The following NPAS2 variants were observed in gnomAD, a reference collection of about 807,000 sequenced individuals.
NPAS2 encodes neuronal PAS domain-containing protein 2.
In NPAS2, 23 loss-of-function variants were observed where a neutral mutation model predicts 107.5. The observed-to-expected ratio is 0.21, with a 90% CI of 0.15 to 0.30. The LOEUF is 0.30. NPAS2 is among the 10% of genes least tolerant of loss of function. The pLI, the probability that NPAS2 is intolerant of heterozygous loss-of-function variation, is 1.00. For synonymous variants in NPAS2, 403 were observed against 417.5 expected, an observed-to-expected ratio of 0.97 and a Z score of 0.42; for missense variants, 756 against 1,043.3, an observed-to-expected ratio of 0.72 and a Z score of 3.79.
At chr2:100,950,433 G>A (rs773354360) in intron 7 of NPAS2, among the ~76,000 whole-genome samples, 3 of 152,174 alleles carry the variant, frequency 2.0e-5, no homozygotes, top group Non-Finnish European at 4.4e-5. Flanking sequence ...CTTCTGCTGC[G>A]TTCTTGACCA....
intron 1 of NPAS2, among the ~76,000 whole-genome samples, chr2:100,879,752 G>A (rs897006487): frequency 4.6e-5 from 7 of 152,190 alleles, no homozygotes; most frequent in African/African-American, 1.4e-4. Context: ...ATGGTGCTGT[G>A]TTCTTTGCAA....
chr2:100,888,806 C>T (rs927561312), intron 1 of NPAS2, among the ~76,000 whole-genome samples: 1 of 152,144 alleles, frequency 6.6e-6, no homozygotes, highest in African/African-American at 2.4e-5. Context: ...TGACTTCTGA[C>T]TCAGGCGGAC....
chr2:100,971,173 G>A (rs555547998), intron 12 of NPAS2, 99 bp downstream of exon 12: 3 of 1,124,586 alleles, frequency 2.7e-6, no homozygotes, highest in African/African-American at 3.1e-5. Context: ...ATCAATGGAA[G>A]GGTACAACCA....
At chr2:100,915,062 T>C (rs1682788597) in intron 2 of NPAS2, among the ~76,000 whole-genome samples, 1 of 152,222 alleles carries the variant, frequency 6.6e-6, no homozygotes, top group Non-Finnish European at 1.5e-5. Context: ...ATGCTCAGAT[T>C]GTGCAAGGTT....
chr2:100,901,411 T>TG (rs1050296727), intron 1 of NPAS2: 10 of 427,970 alleles, frequency 2.3e-5, no homozygotes, highest in East Asian at 1.6e-4. Flanking sequence ...GATTTCAAAC[T>TG]GGGGGGGATG....
intron 1 of NPAS2, among the ~76,000 whole-genome samples, chr2:100,888,541 C>T (rs1302285142): frequency 6.6e-6 from 1 of 152,102 alleles, no homozygotes; most frequent in Non-Finnish European, 1.5e-5. Context: ...TGTTATCCCC[C>T]CACCCCATAG....
intron 1 of NPAS2, chr2:100,821,340 G>C: frequency 1.4e-6 from 1 of 703,120 alleles, no homozygotes; most frequent in South Asian, 1.9e-5. Flanking sequence ...GGAGGCTTTA[G>C]TACGGAAAGT....
intron 2 of NPAS2, among the ~76,000 whole-genome samples, chr2:100,924,165 C>T (rs985073989): frequency 6.6e-6 from 1 of 152,158 alleles, no homozygotes; most frequent in African/African-American, 2.4e-5. Flanking sequence ...TGAGCCCTCC[C>T]TAGACACACT....
At chr2:100,842,081 G>GCGCGCACACACACACACACACA in intron 1 of NPAS2, among the ~76,000 whole-genome samples, 185 of 148,892 alleles carry the variant, frequency 1.2e-3, no homozygotes, top group Non-Finnish European at 2.3e-3. Context: ...GCATGTACGC[G>GCGCGCACACACACACACACACA]CACACACACA....
At chr2:100,851,037 A>AGTG (rs1159574243) in intron 1 of NPAS2, among the ~76,000 whole-genome samples, 1 of 151,680 alleles carries the variant, frequency 6.6e-6, no homozygotes, top group East Asian at 1.9e-4. Flanking sequence ...CACTATGCTA[A>AGTG]GTGAAATAAG....
At chr2:100,910,142 TG>T (rs1175265421) in intron 2 of NPAS2, among the ~76,000 whole-genome samples, 2 of 152,180 alleles carry the variant, frequency 1.3e-5, no homozygotes, top group Admixed American at 6.5e-5. Flanking sequence ...AATTTTAAAT[TG>T]AAAAGAGATG....
intron 7 of NPAS2, 47 bp downstream of exon 7, chr2:100,949,527 A>C: frequency 9.1e-7 from 1 of 1,095,036 alleles, no homozygotes; most frequent in Non-Finnish European, 1.4e-6. Context: ...TTTCTCATGC[A>C]AACGTGCACA....
At chr2:100,865,315 C>A (rs1250303589) in intron 1 of NPAS2, among the ~76,000 whole-genome samples, 1 of 152,180 alleles carries the variant, frequency 6.6e-6, no homozygotes. Flanking sequence ...GTGCTGCCGC[C>A]TGAGCCAGCA....
intron 1 of NPAS2, among the ~76,000 whole-genome samples, chr2:100,842,714 A>G (rs1273240293): frequency 3.3e-5 from 5 of 152,144 alleles, no homozygotes; most frequent in Admixed American, 3.3e-4. Flanking sequence ...GTGTTTGAGG[A>G]ACTGGACGAC....
intron 1 of NPAS2, among the ~76,000 whole-genome samples, chr2:100,831,164 G>T (rs1380460158): frequency 6.6e-6 from 1 of 152,004 alleles, no homozygotes; most frequent in Non-Finnish European, 1.5e-5. Context: ...GCCGGGTGTG[G>T]TGATGGCTGT....
chr2:100,951,613 A>G (rs1168898780), intron 7 of NPAS2, among the ~76,000 whole-genome samples: 1 of 152,210 alleles, frequency 6.6e-6, no homozygotes, highest in Non-Finnish European at 1.5e-5. Flanking sequence ...TTTTACTTAC[A>G]TGAGGTACCA....
At chr2:100,959,450 G>T (rs1440801819) in intron 7 of NPAS2, among the ~76,000 whole-genome samples, 4 of 152,190 alleles carry the variant, frequency 2.6e-5, no homozygotes, top group Admixed American at 6.5e-5. Context: ...TTATCACGGT[G>T]CTCTCCTAGG....
intron 2 of NPAS2, among the ~76,000 whole-genome samples, chr2:100,907,489 AACACACACAC>A (rs55951417): frequency 8.4e-4 from 122 of 144,782 alleles, no homozygotes; most frequent in African/African-American, 2.9e-3. Context: ...AACACTTGGG[AACACACACAC>A]ACACACACAC....
At chr2:100,900,829 C>T (rs946523683) in intron 1 of NPAS2, among the ~76,000 whole-genome samples, 4 of 152,010 alleles carry the variant, frequency 2.6e-5, no homozygotes, top group South Asian at 2.1e-4. Flanking sequence ...TATGGTATGC[C>T]GATGGTGATT....
Sources: allele counts gnomAD v4.1 joint callset (sites outside exome capture counted in the v4.1 genomes callset), GRCh38; gene constraint gnomAD v4.1.1; transcripts MANE v1.5; gene names NCBI Gene and HGNC (gene_info 2026-07-23, HGNC 2026-07-21).